Variants in INSYN2B observed in about 807,000 individuals in gnomAD.
The protein encoded by INSYN2B is inhibitory synaptic factor family member 2B, also known as protein INSYN2B.
INSYN2B carries 16 observed loss-of-function variants against 41.2 expected under a neutral mutation model. That is an observed-to-expected ratio of 0.39 (90% CI 0.26 to 0.59). The LOEUF is 0.59. Among genes scored for constraint, INSYN2B ranks in the 20% least tolerant of loss-of-function variants. The pLI is 0.57. For synonymous variants in INSYN2B, 245 were observed against 244.4 expected, an observed-to-expected ratio of 1.00 and a Z score of -0.02; for missense variants, 608 against 646.4, an observed-to-expected ratio of 0.94 and a Z score of 0.64.
rs768442702 is a variant in INSYN2B at position 169,882,917 on chromosome 5, C to G, written c.982G>C (p.Asp328His). The G allele has an allele frequency of 6.4e-7, 1 of 1,551,958 alleles. No individual in the cohort carries two copies. The highest frequency in any genetic ancestry group is 1.2e-5 in the South Asian group (1 of 84,034). The change falls in exon 2 of 4, where the codon GAC (aspartate) becomes CAC (histidine). Residue 328 changes from aspartate (D) to histidine (H), a missense_variant. Transcript: ENST00000377365. Reference sequence around the variant, plus strand: ...TGATTGTTACTTGATGAAGGACAGTCTGAGGCTCTTCCTGGGTGGGCTGGC... The same window carrying G: ...TGATTGTTACTTGATGAAGGACAGTGTGAGGCTCTTCCTGGGTGGGCTGGC... ...SQPAHPGRASDCPSSSNNHQN... is the reference protein window; with the variant it reads ...SQPAHPGRASHCPSSSNNHQN...
At chr5:169,934,532 G>C (rs927063468) in intron 1 of INSYN2B, 1 of 416,572 alleles carries the variant, frequency 2.4e-6, no homozygotes, top group Non-Finnish European at 4.9e-6. Flanking sequence ...ATTTCTTCCA[G>C]CCTAATTGTA....
chr5:169,874,392 G>T, intron 3 of INSYN2B, among the ~76,000 whole-genome samples: 1 of 129,724 alleles, frequency 7.7e-6, no homozygotes, highest in Non-Finnish European at 1.6e-5. Context: ...CAGCCTAGGC[G>T]ACAGTGAGAC....
intron 3 of INSYN2B, among the ~76,000 whole-genome samples, chr5:169,868,857 A>T (rs1333112546): frequency 6.6e-6 from 1 of 152,178 alleles, no homozygotes; most frequent in Admixed American, 6.5e-5. Context: ...CGGAAACTTT[A>T]TCTCACCATC....
chr5:169,909,866 T>C (rs1774497236), intron 1 of INSYN2B, among the ~76,000 whole-genome samples: 1 of 152,218 alleles, frequency 6.6e-6, no homozygotes, highest in Non-Finnish European at 1.5e-5. Context: ...ACATACTTTA[T>C]GGTGAATATC....
intron 1 of INSYN2B, among the ~76,000 whole-genome samples, chr5:169,945,370 C>T (rs1051835427): frequency 2.0e-5 from 3 of 152,252 alleles, no homozygotes; most frequent in Admixed American, 2.0e-4. Context: ...AGGGGAGAGA[C>T]TGGAACAAAT....
At chr5:169,908,060 C>T (rs952176390) in intron 1 of INSYN2B, among the ~76,000 whole-genome samples, 1 of 152,184 alleles carries the variant, frequency 6.6e-6, no homozygotes, top group African/African-American at 2.4e-5. Context: ...TAGATCAAGC[C>T]ATCCCCAGGA....
intron 1 of INSYN2B, among the ~76,000 whole-genome samples, chr5:169,921,486 A>G (rs1775172525): frequency 6.6e-6 from 1 of 152,246 alleles, no homozygotes; most frequent in Non-Finnish European, 1.5e-5. Context: ...TCCATGGAAC[A>G]CTAAGCACGT....
chr5:169,927,376 G>A (rs751326713), intron 1 of INSYN2B, among the ~76,000 whole-genome samples: 2 of 152,158 alleles, frequency 1.3e-5, no homozygotes, highest in Non-Finnish European at 2.9e-5. Flanking sequence ...AGAGATTGCT[G>A]GACCCCATCC....
Position 169,864,239 on chromosome 5 carries a change from G to A in INSYN2B, c.*34C>T. ...GATTTCCCATCTCAGGGAAGTGCGT[G>A]GAGTTGGGGGGCTGGGGGATGGTCC... On this transcript the variant is annotated 3_prime_UTR_variant, in exon 4 of 4. Coordinates refer to ENST00000377365, the MANE Select transcript of INSYN2B (RefSeq NM_001129891.3). 1 of 1,523,888 alleles carries A rather than the reference G, an allele frequency of 6.6e-7. No individual in the cohort carries two copies. Among genetic ancestry groups the A allele is most frequent in the Non-Finnish European group, 8.9e-7 (1 of 1,121,778 alleles). The allele number at this position is 1,523,888 out of a possible 1,614,324, so 94.4% of individuals were successfully genotyped here.
intron 1 of INSYN2B, among the ~76,000 whole-genome samples, chr5:169,897,471 G>A (rs1311191755): frequency 6.6e-6 from 1 of 152,084 alleles, no homozygotes; most frequent in Non-Finnish European, 1.5e-5. Context: ...TTACAAGTGT[G>A]AGCCACCGTA....
intron 1 of INSYN2B, among the ~76,000 whole-genome samples, chr5:169,909,297 G>A (rs927166828): frequency 6.6e-6 from 1 of 152,190 alleles, no homozygotes; most frequent in Non-Finnish European, 1.5e-5. Context: ...AGTGTTGCTG[G>A]TGGCTACCAT....
Position 169,880,862 on chromosome 5 carries a change from A to C in INSYN2B, c.1421+506T>G, listed in dbSNP as rs528257412. 2.0e-5 allele frequency among the ~76,000 whole-genome samples: 3 copies of C among 152,346 alleles called. No individual in the cohort carries two copies. In the East Asian group the frequency reaches 5.8e-4, roughly 29 times the overall value. ...TGCAGCAAACTTACTCTGTGCTAGA[A>C]GGAAATGACATACTTAGAAATGAAC... On this transcript the variant is annotated intron_variant, in intron 3 of 3. Coordinates refer to ENST00000377365, the MANE Select transcript of INSYN2B (RefSeq NM_001129891.3).
chr5:169,893,460 C>A (rs987374186), intron 1 of INSYN2B, among the ~76,000 whole-genome samples: 2 of 143,708 alleles, frequency 1.4e-5, no homozygotes, highest in Admixed American at 1.4e-4. Flanking sequence ...CACTACATAA[C>A]TGGGGACATT....
intron 1 of INSYN2B, among the ~76,000 whole-genome samples, chr5:169,903,825 C>A (rs1023539437): frequency 1.3e-5 from 2 of 151,714 alleles, no homozygotes; most frequent in East Asian, 3.9e-4. Context: ...AGAAACTGGG[C>A]GGAGTGGCTC....
rs1346768134 is a variant in INSYN2B, at chr5:169,862,701, C to G, written c.*1572G>C. 6.6e-6 allele frequency among the ~76,000 whole-genome samples: 1 copy of G among 152,208 alleles called. No individual in the cohort carries two copies. Among genetic ancestry groups the G allele is most frequent in the African/African-American group, 2.4e-5 (1 of 41,456 alleles). On this transcript the variant is annotated 3_prime_UTR_variant, in exon 4 of 4. Transcript: ENST00000377365. ...CATTCCAAGACTTAAATAGTGCAAG[C>G]TGATATTCCTTGCCAAATTTCCCTT... is the stretch of plus-strand genomic sequence containing the variant.
At chr5:169,878,412 C>T (rs1772451385) in intron 3 of INSYN2B, among the ~76,000 whole-genome samples, 1 of 152,150 alleles carries the variant, frequency 6.6e-6, no homozygotes, top group African/African-American at 2.4e-5. Context: ...TGCAGACCTG[C>T]ATCAATTACA....
intron 2 of INSYN2B, among the ~76,000 whole-genome samples, 155 bp from the exon 3 acceptor site, chr5:169,881,597 C>T (rs1772658292): frequency 6.6e-6 from 1 of 152,176 alleles, no homozygotes; most frequent in African/African-American, 2.4e-5. Flanking sequence ...AATGTCACGA[C>T]AATAGGAGCT....
At chr5:169,914,757 G>A (rs189952834) in intron 1 of INSYN2B, among the ~76,000 whole-genome samples, 49 of 152,280 alleles carry the variant, frequency 3.2e-4, no homozygotes, top group Non-Finnish European at 5.4e-4. Context: ...GGGTCTTTTA[G>A]CCACCTTTGC....
At chr5:169,867,754 G>A (rs575982968) in intron 3 of INSYN2B, among the ~76,000 whole-genome samples, 1 of 152,176 alleles carries the variant, frequency 6.6e-6, no homozygotes, top group Admixed American at 6.5e-5. Context: ...CTTCCAGGAG[G>A]CATCACCTGG....
Sources: allele counts gnomAD v4.1 joint callset (sites outside exome capture counted in the v4.1 genomes callset), GRCh38; gene constraint gnomAD v4.1.1; transcripts MANE v1.5; gene names NCBI Gene and HGNC (gene_info 2026-07-23, HGNC 2026-07-21).